The following LUZP2 variants were observed in gnomAD, a reference collection of about 807,000 sequenced individuals.
LUZP2 encodes leucine zipper protein 2.
A neutral mutation model predicts 51.6 loss-of-function variants in LUZP2; 52 were observed. That is an observed-to-expected ratio of 1.01 (90% CI 0.81 to 1.27). LUZP2 has a LOEUF of 1.27. Ranked by LOEUF, LUZP2 falls within the 50% of genes most tolerant of loss-of-function variation. The pLI is 0.00. For missense variants in LUZP2, 436 were observed against 395.4 expected (o/e 1.10, Z -0.87); for synonymous variants, 154 against 137.3 (o/e 1.12, Z -0.85).
chr11:24,877,500 G>A (rs1013735006), intron 5 of LUZP2, among the ~76,000 whole-genome samples: 2 of 152,088 alleles, frequency 1.3e-5, no homozygotes, highest in Non-Finnish European at 2.9e-5. Flanking sequence ...TGGGGTACAT[G>A]AGATGTTTTA....
chr11:24,971,907 A>T (rs897855571), intron 7 of LUZP2, among the ~76,000 whole-genome samples: 3 of 152,054 alleles, frequency 2.0e-5, no homozygotes, highest in Non-Finnish European at 4.4e-5. Context: ...TGGGAGGCTG[A>T]GGCAGGCAGA....
At chr11:24,589,084 C>A (rs943285148) in intron 1 of LUZP2, among the ~76,000 whole-genome samples, 1 of 152,002 alleles carries the variant, frequency 6.6e-6, no homozygotes, top group South Asian at 2.1e-4. Context: ...GAATTTATAC[C>A]CCCAGCAATC....
Position 24,926,377 on chromosome 11 carries a change from GTGTATATATATACGTGTGTA to G in LUZP2, c.522+11841_522+11860del, listed in dbSNP as rs1373707229. ...TATACGTGTGTATATATATATACGT[GTGTATATATATACGTGTGTA>G]TATATATATACGTGTGTATATATAT... is the stretch of plus-strand genomic sequence containing the variant. On this transcript the variant is annotated intron_variant, in intron 7 of 11. Coordinates refer to ENST00000336930, the MANE Select transcript of LUZP2 (RefSeq NM_001009909.4). Among the ~76,000 whole-genome samples, 130 of 46,490 alleles carry G rather than the reference GTGTATATATATACGTGTGTA, an allele frequency of 2.8e-3. 9 individuals carry two copies. The highest frequency in any genetic ancestry group is 0.012 in the African/African-American group (119 of 9,594). The allele number at this position is 46,490 out of a possible 152,430, so 30.5% of individuals were successfully genotyped here.
chr11:24,875,017 T>C (rs376204433), intron 5 of LUZP2, among the ~76,000 whole-genome samples: 2 of 152,326 alleles, frequency 1.3e-5, no homozygotes, highest in Admixed American at 6.5e-5. Flanking sequence ...TCCTAAGTTC[T>C]GGCTACTGGT....
At chr11:24,580,957 T>A (rs1288395021) in intron 1 of LUZP2, among the ~76,000 whole-genome samples, 1 of 152,086 alleles carries the variant, frequency 6.6e-6, no homozygotes, top group Non-Finnish European at 1.5e-5. Flanking sequence ...AGAAAAAAAC[T>A]ATTTTGTTAT....
intron 1 of LUZP2, among the ~76,000 whole-genome samples, chr11:24,703,451 A>T (rs77492212): frequency 6.6e-6 from 1 of 152,200 alleles, no homozygotes; most frequent in Non-Finnish European, 1.5e-5. Context: ...TTTAGATTTC[A>T]TTCAGAACAA....
At chr11:24,513,253 A>C (rs1850366990) in intron 1 of LUZP2, among the ~76,000 whole-genome samples, 1 of 152,214 alleles carries the variant, frequency 6.6e-6, no homozygotes, top group Admixed American at 6.5e-5. Context: ...ATAGCTAAAA[A>C]TTAAGTCCCC....
chr11:24,595,018 C>T (rs1206769027), intron 1 of LUZP2, among the ~76,000 whole-genome samples: 1 of 151,874 alleles, frequency 6.6e-6, no homozygotes, highest in Non-Finnish European at 1.5e-5. Flanking sequence ...TCTCGGCCTC[C>T]CAAAATGCTG....
chr11:24,874,531 C>T (rs1412843518), intron 5 of LUZP2, among the ~76,000 whole-genome samples: 1 of 152,090 alleles, frequency 6.6e-6, no homozygotes, highest in Admixed American at 6.6e-5. Context: ...TGCCATGCTG[C>T]ACCGGATGTT....
intron 10 of LUZP2, among the ~76,000 whole-genome samples, chr11:25,064,422 TA>T (rs1370693508): frequency 3.9e-5 from 6 of 152,058 alleles, no homozygotes; most frequent in Non-Finnish European, 8.8e-5. Flanking sequence ...TGATGACTCT[TA>T]AAAAACATGA....
At chr11:24,879,207 G>C (rs1195174983) in intron 5 of LUZP2, among the ~76,000 whole-genome samples, 2 of 152,068 alleles carry the variant, frequency 1.3e-5, no homozygotes, top group Non-Finnish European at 2.9e-5. Flanking sequence ...GCCTCCCAAA[G>C]TACTGGGATT....
At chr11:24,574,231 T>A (rs374147405) in intron 1 of LUZP2, among the ~76,000 whole-genome samples, 405 of 1,964 alleles carry the variant, frequency 0.21, 19 homozygotes, top group Non-Finnish European at 0.37. Context: ...TTTCTTTCTT[T>A]CTTTCTTTCT....
At chr11:24,978,011 T>C (rs1260387800) in intron 8 of LUZP2, among the ~76,000 whole-genome samples, 5 of 151,640 alleles carry the variant, frequency 3.3e-5, no homozygotes, top group Admixed American at 6.6e-5. Context: ...TATAAACTTA[T>C]TTTGCAATAA....
At chr11:24,960,224 G>T (rs1358913502) in intron 7 of LUZP2, among the ~76,000 whole-genome samples, 4 of 152,058 alleles carry the variant, frequency 2.6e-5, no homozygotes, top group Admixed American at 6.5e-5. Context: ...TTTTTGTTGT[G>T]TCTTTGACCA....
chr11:24,584,144 G>C (rs575901406), intron 1 of LUZP2, among the ~76,000 whole-genome samples: 235 of 152,200 alleles, frequency 1.5e-3, no homozygotes, highest in African/African-American at 4.9e-3. Flanking sequence ...AAAAACAAAA[G>C]TCCTGCCATC....
intron 5 of LUZP2, among the ~76,000 whole-genome samples, chr11:24,834,665 GC>G (rs1850805007): frequency 6.6e-6 from 1 of 151,672 alleles, no homozygotes; most frequent in South Asian, 2.1e-4. Context: ...TTGAGAAATT[GC>G]CACACTGTCT....
chr11:24,985,454 C>T (rs2197547), intron 9 of LUZP2, among the ~76,000 whole-genome samples: 2 of 151,728 alleles, frequency 1.3e-5, no homozygotes, highest in Non-Finnish European at 3.0e-5. Context: ...GGGATCTGAT[C>T]TGCATTTTGC....
intron 5 of LUZP2, among the ~76,000 whole-genome samples, chr11:24,880,158 G>A (rs190309642): frequency 2.6e-5 from 4 of 152,280 alleles, no homozygotes; most frequent in Non-Finnish European, 5.9e-5. Context: ...ATTCCCCTCT[G>A]GCTAGGACTG....
At chr11:24,731,080 G>T (rs1346382949) in intron 2 of LUZP2, among the ~76,000 whole-genome samples, 7 of 151,574 alleles carry the variant, frequency 4.6e-5, no homozygotes, top group Admixed American at 1.3e-4. Context: ...GCTTCCCAAT[G>T]ATAACCTCAG....
Sources: gnomAD v4.1 joint callset for allele counts (sites outside exome capture counted in the v4.1 genomes callset) on GRCh38, gnomAD v4.1.1 for gene constraint, MANE v1.5 for transcripts, NCBI Gene and HGNC (gene_info 2026-07-23, HGNC 2026-07-21) for gene names.